KIN: variants seen among roughly 807,000 people sequenced by gnomAD.
The protein encoded by KIN is Kin17 DNA and RNA binding protein.
A neutral mutation model predicts 63.0 loss-of-function variants in KIN; 47 were observed. That is an observed-to-expected ratio of 0.75 (90% CI 0.59 to 0.95). KIN has a LOEUF of 0.95. KIN is among the 40% of genes least tolerant of loss of function. The pLI, the probability that KIN is intolerant of heterozygous loss-of-function variation, is 0.00. For missense variants in KIN, 408 were observed against 460.9 expected (o/e 0.89, Z 1.05); for synonymous variants, 160 against 157.7 (o/e 1.01, Z -0.11).
At chr10:7,764,825 CAGT>C (rs1168048721) in intron 9 of KIN, among the ~76,000 whole-genome samples, 2 of 152,196 alleles carry the variant, frequency 1.3e-5, no homozygotes, top group Admixed American at 1.3e-4. Flanking sequence ...CCCTTATCCA[CAGT>C]AGATCTGTTA....
chr10:7,755,437 A>G lies in KIN; in HGVS notation c.*643T>C, dbSNP rs1477014531. The G allele has an allele frequency of 1.3e-5, 2 of 152,236 alleles. No individual in the cohort carries two copies. The highest frequency in any genetic ancestry group is 2.9e-5 in the Non-Finnish European group (2 of 68,044). The allele number at this position is 152,236 out of a possible 1,614,324, so 9.4% of individuals were successfully genotyped here. A position where few individuals can be genotyped will look rare whatever the true frequency, so the allele number is the denominator to read the frequency against. On this transcript the variant is annotated 3_prime_UTR_variant, in exon 13 of 13. Transcript: ENST00000379562. ...GATTCCATTTATAAGAAATGTCCAG[A>G]AAGGGCAAATCCATAGAGACAGAAA... is the stretch of plus-strand genomic sequence containing the variant.
At chr10:7,757,852 A>G (rs1045849516) in intron 12 of KIN, among the ~76,000 whole-genome samples, 3 of 152,170 alleles carry the variant, frequency 2.0e-5, no homozygotes, top group Non-Finnish European at 2.9e-5. Flanking sequence ...AATAGCTAAA[A>G]AGCTGAAGCT....
chr10:7,763,885 AG>A, intron 9 of KIN, 94 bp from the exon 10 acceptor site: 1 of 619,912 alleles, frequency 1.6e-6, no homozygotes, highest in Non-Finnish European at 2.8e-6. Flanking sequence ...CCAAAACCAC[AG>A]GAAAATGTAA....
intron 2 of KIN, among the ~76,000 whole-genome samples, chr10:7,781,023 G>A (rs1477727522): frequency 2.0e-5 from 3 of 152,156 alleles, no homozygotes; most frequent in Non-Finnish European, 4.4e-5. Flanking sequence ...TGGGTACACC[G>A]TATTAAGTGC....
intron 1 of KIN, among the ~76,000 whole-genome samples, chr10:7,784,747 G>A (rs1835965005): frequency 6.6e-6 from 1 of 152,128 alleles, no homozygotes; most frequent in African/African-American, 2.4e-5. Context: ...AGGCAAGGAT[G>A]CTAAAACACA....
At chr10:7,765,843 T>G (rs1835532494) in intron 9 of KIN, among the ~76,000 whole-genome samples, 1 of 152,180 alleles carries the variant, frequency 6.6e-6, no homozygotes, top group Non-Finnish European at 1.5e-5. Context: ...TAAAGAACAT[T>G]ATTAGTCTAT....
In KIN at chr10:7,774,822, G is replaced by T; in HGVS notation, c.668+9C>A. ...ATGTTTTAAGATATCCGTGAATGAT[G>T]CAGCTCACCTTGACTTGGAAGATGT... On this transcript the variant is annotated intron_variant, in intron 7 of 12. Coordinates refer to ENST00000379562, the MANE Select transcript of KIN (RefSeq NM_012311.4). 1 of 1,602,746 alleles carries T rather than the reference G, an allele frequency of 6.2e-7. No homozygotes were observed. Among genetic ancestry groups the T allele is most frequent in the Non-Finnish European group, 8.5e-7 (1 of 1,169,854 alleles).
At chr10:7,784,403 TGA>T (rs1564326277) in intron 1 of KIN, among the ~76,000 whole-genome samples, 1 of 151,986 alleles carries the variant, frequency 6.6e-6, no homozygotes, top group Non-Finnish European at 1.5e-5. Context: ...AGCAACACAA[TGA>T]GACCTCCATC....
chr10:7,787,925 C>A lies in KIN; in HGVS notation c.9G>T (p.Lys3Asn). The A allele has an allele frequency of 6.2e-7, 1 of 1,612,440 alleles. No individual in the cohort carries two copies. Among genetic ancestry groups the A allele is most frequent in the Non-Finnish European group, 8.5e-7 (1 of 1,178,406 alleles). MG[K>N]SDFLTPKAIA... is the part of the protein sequence containing the mutation. ...TAGCCTTGGGAGTAAGAAAATCCGA[C>A]TTCCCCATGGCGACCACGGCAGCGA... Residue 3 changes from lysine (K) to asparagine (N), a missense_variant, in exon 1 of 13, where the codon AAG becomes AAT. By Grantham distance (94) the Lys-to-Asn change is moderately conservative. Around this residue, in one of 2 missense-constraint regions of KIN, gnomAD observed 110 missense variants for 164.9 expected, o/e 0.67. Coordinates refer to ENST00000379562, the MANE Select transcript of KIN (RefSeq NM_012311.4).
chr10:7,786,281 G>A (rs12766698), intron 1 of KIN, among the ~76,000 whole-genome samples: 3,052 of 152,204 alleles, frequency 0.02, 75 homozygotes, highest in African/African-American at 0.055. Flanking sequence ...TATTAATTGT[G>A]TTATGTTGAT....
chr10:7,766,186 C>A, intron 8 of KIN, 83 bp from the exon 9 acceptor site: 1 of 914,308 alleles, frequency 1.1e-6, no homozygotes, highest in Non-Finnish European at 1.7e-6. Flanking sequence ...CAAAATAACA[C>A]CATAAAACTG....
At chr10:7,770,593 A>AT (rs1029778886) in intron 7 of KIN, among the ~76,000 whole-genome samples, 12 of 152,126 alleles carry the variant, frequency 7.9e-5, no homozygotes, top group Admixed American at 5.9e-4. Flanking sequence ...GGAAGCATCT[A>AT]TTTTTTCCTG....
At chr10:7,768,262 G>A (rs903103000) in intron 8 of KIN, among the ~76,000 whole-genome samples, 2 of 152,182 alleles carry the variant, frequency 1.3e-5, no homozygotes, top group Non-Finnish European at 2.9e-5. Context: ...GCTCACACCT[G>A]TAATTCCAGC....
At chr10:7,785,105 T>C (rs1231733311) in intron 1 of KIN, among the ~76,000 whole-genome samples, 1 of 151,448 alleles carries the variant, frequency 6.6e-6, no homozygotes, top group Non-Finnish European at 1.5e-5. Flanking sequence ...AAAAGTTAAT[T>C]AGGCATGGTG....
intron 5 of KIN, among the ~76,000 whole-genome samples, chr10:7,777,777 T>C (rs1835808654): frequency 6.6e-6 from 1 of 152,086 alleles, no homozygotes; most frequent in African/African-American, 2.4e-5. Flanking sequence ...CTTGTGCCTG[T>C]AGTCCCAGCT....
chr10:7,756,038 G>T lies in KIN; in HGVS notation c.*42C>A, dbSNP rs764611274. ...ATAATGCCTTGGCGAACACCAATTT[G>T]ATGCTTTAAGATTTTAATGTATTGT... On this transcript the variant is annotated 3_prime_UTR_variant, in exon 13 of 13. Transcript: ENST00000379562. 6 of 1,205,638 alleles carry T rather than the reference G, an allele frequency of 5.0e-6. No individual in the cohort carries two copies. In the African/African-American group the frequency reaches 7.6e-5, roughly 15 times the overall value. 74.7% of individuals were successfully genotyped at this position (1,205,638 alleles called of 1,614,324 possible). A position where few individuals can be genotyped will look rare whatever the true frequency, so the allele number is the denominator to read the frequency against.
Position 7,762,519 on chromosome 10 carries a change from A to G in KIN, c.956T>C (p.Ile319Thr), listed in dbSNP as rs775591297. Residue 319 changes from isoleucine to threonine, a missense_variant, in exon 11 of 13, where the codon ATT becomes ACT. Around this residue, in one of 2 missense-constraint regions of KIN, gnomAD observed 298 missense variants for 296.0 expected, o/e 1.01. Transcript: ENST00000379562. ...IDKYTAVVKM[I>T]DSGDKLKLDQ... ...AAGTTTCAGCTTGTCTCCAGAATCA[A>G]TCATCTTCACAACAGCTGTATATTT... The G allele has an allele frequency of 1.4e-5, 23 of 1,611,518 alleles. No individual in the cohort carries two copies. In the South Asian group the frequency reaches 2.2e-4, roughly 15 times the overall value.
intron 5 of KIN, among the ~76,000 whole-genome samples, chr10:7,776,295 C>G (rs913390188): frequency 6.7e-6 from 1 of 148,758 alleles, no homozygotes; most frequent in Non-Finnish European, 1.5e-5. Flanking sequence ...AATCCTAGCA[C>G]TTTGCGAGGC....
At position 7,766,076 on chromosome 10, in the gene KIN, G is replaced by C. The variant is rs759453225; in HGVS notation, c.826C>G (p.Arg276Gly). ...ACAGGCTGTAGCCAGTAGTCTGTTC[G>C]GGCAGTTCTTTTCTTTTCCTCTTCA... Reference protein sequence around the residue: ...EIEEEKKRTARTDYWLQPEII... With the variant: ...EIEEEKKRTAGTDYWLQPEII... Residue 276 changes from arginine (R) to glycine (G), a missense_variant, in exon 9 of 13, where the codon CGA (arginine) becomes GGA (glycine). Coordinates refer to ENST00000379562, the MANE Select transcript of KIN (RefSeq NM_012311.4). 1.9e-6 allele frequency: 3 copies of C among 1,610,794 alleles called. No homozygotes were observed. The highest frequency in any genetic ancestry group is 2.7e-5 in the African/African-American group (2 of 74,734).
Sources: allele counts gnomAD v4.1 joint callset (sites outside exome capture counted in the v4.1 genomes callset), GRCh38; gene constraint gnomAD v4.1.1; regional missense constraint gnomAD v4.1.1; transcripts MANE v1.5; gene names NCBI Gene and HGNC (gene_info 2026-07-23, HGNC 2026-07-21).